Variants in CPA6 observed in about 807,000 individuals in gnomAD.
CPA6 encodes carboxypeptidase B.
In CPA6, 58 loss-of-function variants were observed where a neutral mutation model predicts 63.3. The observed-to-expected ratio is 0.92, with a 90% confidence interval of 0.74 to 1.14. CPA6 has a LOEUF of 1.14. Ranked by LOEUF, CPA6 falls within the 50% of genes most tolerant of loss-of-function variation. The probability of loss-of-function intolerance (pLI) is 0.00; values close to 1 mark genes in which losing one functional copy is unlikely to be tolerated. For synonymous variants in CPA6, 185 were observed against 179.0 expected (o/e 1.03, Z -0.27); for missense variants, 565 against 526.6 (o/e 1.07, Z -0.71).
At chr8:67,586,463 T>C (rs1446309991) in intron 2 of CPA6, among the ~76,000 whole-genome samples, 1 of 152,196 alleles carries the variant, frequency 6.6e-6, no homozygotes, top group Non-Finnish European at 1.5e-5. Flanking sequence ...ACCTGAAGTA[T>C]TTTAAGTATA....
chr8:67,674,473 T>G (rs1816423305), intron 1 of CPA6, among the ~76,000 whole-genome samples: 1 of 152,360 alleles, frequency 6.6e-6, no homozygotes, highest in South Asian at 2.1e-4. Flanking sequence ...AGAAACTGTA[T>G]GACTGATTCT....
At chr8:67,526,671 G>T (rs1691328206) in intron 2 of CPA6, among the ~76,000 whole-genome samples, 1 of 152,122 alleles carries the variant, frequency 6.6e-6, no homozygotes, top group Non-Finnish European at 1.5e-5. Context: ...CCAGGTGGTT[G>T]GGAGGTGATT....
intron 2 of CPA6, among the ~76,000 whole-genome samples, chr8:67,590,352 G>A (rs1176683511): frequency 4.0e-5 from 6 of 151,564 alleles, no homozygotes; most frequent in Non-Finnish European, 8.8e-5. Context: ...ATAAACATAC[G>A]TGTGCATGTG....
chr8:67,550,447 C>T (rs184203101), intron 2 of CPA6, among the ~76,000 whole-genome samples: 18 of 152,238 alleles, frequency 1.2e-4, no homozygotes, highest in Middle Eastern at 3.4e-3. Flanking sequence ...CCACCATTGA[C>T]GGGCATCTAT....
At chr8:67,556,305 TGAG>T (rs1813059538) in intron 2 of CPA6, among the ~76,000 whole-genome samples, 1 of 152,152 alleles carries the variant, frequency 6.6e-6, no homozygotes, top group African/African-American at 2.4e-5. Flanking sequence ...CCTCTGGGCT[TGAG>T]GAGGGGAGAG....
chr8:67,531,541 T>C (rs554005951), intron 2 of CPA6, among the ~76,000 whole-genome samples: 9 of 152,284 alleles, frequency 5.9e-5, no homozygotes, highest in African/African-American at 2.2e-4. Flanking sequence ...TGAACATATA[T>C]GAATATAAAT....
At chr8:67,524,160 C>A (rs1381958367) in intron 2 of CPA6, among the ~76,000 whole-genome samples, 1 of 152,104 alleles carries the variant, frequency 6.6e-6, no homozygotes. Flanking sequence ...CGTTTAGGAT[C>A]TTTTGCTATG....
chr8:67,745,787 T>C (rs967984653), intron 1 of CPA6, among the ~76,000 whole-genome samples: 4 of 152,180 alleles, frequency 2.6e-5, no homozygotes, highest in Non-Finnish European at 5.9e-5. Flanking sequence ...CAGCTAAGGT[T>C]GGCACATGAT....
chr8:67,482,569 C>T (rs969035382), intron 8 of CPA6, among the ~76,000 whole-genome samples: 2 of 152,162 alleles, frequency 1.3e-5, no homozygotes, highest in Non-Finnish European at 2.9e-5. Context: ...AGAAAAGAGG[C>T]TGTTTCACCA....
At chr8:67,486,480 C>T (rs895693939) in intron 6 of CPA6, among the ~76,000 whole-genome samples, 1 of 152,228 alleles carries the variant, frequency 6.6e-6, no homozygotes, top group African/African-American at 2.4e-5. Flanking sequence ...TAAATACACT[C>T]TATGATGTTC....
chr8:67,532,706 G>T (rs369401968), intron 2 of CPA6, among the ~76,000 whole-genome samples: 3 of 151,894 alleles, frequency 2.0e-5, no homozygotes, highest in East Asian at 3.9e-4. Flanking sequence ...TAAATGAAAG[G>T]AATAATTTCC....
chr8:67,448,975 G>A (rs191251160), intron 8 of CPA6, among the ~76,000 whole-genome samples: 70 of 152,228 alleles, frequency 4.6e-4, no homozygotes, highest in South Asian at 1.0e-3. Context: ...AATGCAGCCA[G>A]GGATGGTGGC....
intron 1 of CPA6, among the ~76,000 whole-genome samples, chr8:67,732,923 G>C (rs1817734424): frequency 6.6e-6 from 1 of 151,950 alleles, no homozygotes; most frequent in Non-Finnish European, 1.5e-5. Flanking sequence ...CTTGCCGGGC[G>C]TGGTGGCTCA....
Position 67,685,344 on chromosome 8 carries a change from G to C in CPA6, c.116+60670C>G, listed in dbSNP as rs184859793. ...TAAAGGCTAGAATTGCTGGCCGGGC[G>C]CAGTGGCTCATGTCTGTAATCCCAG... On this transcript the variant is annotated intron_variant, in intron 1 of 10. Transcript: ENST00000297770. Among the ~76,000 whole-genome samples, 296 of 152,270 alleles carry C rather than the reference G, an allele frequency of 1.9e-3. 3 individuals carry two copies. Among genetic ancestry groups the C allele is most frequent in the South Asian group, 0.011 (55 of 4,822 alleles).
At chr8:67,550,155 A>C (rs1812908915) in intron 2 of CPA6, among the ~76,000 whole-genome samples, 1 of 152,166 alleles carries the variant, frequency 6.6e-6, no homozygotes, top group Admixed American at 6.5e-5. Context: ...GGTACTGGGC[A>C]TAGTATCCAA....
intron 10 of CPA6, 111 bp from the exon 11 acceptor site, chr8:67,422,802 A>G (rs1809798212): frequency 2.7e-6 from 2 of 749,070 alleles, no homozygotes; most frequent in Admixed American, 3.0e-5. Context: ...AAATCCTTCC[A>G]ATTAAATGCT....
chr8:67,632,109 A>AC (rs1563369467), intron 1 of CPA6, among the ~76,000 whole-genome samples: 1 of 151,444 alleles, frequency 6.6e-6, no homozygotes, highest in East Asian at 1.9e-4. Context: ...ATAAGGAAGC[A>AC]TTTTTTTTAA....
At chr8:67,454,907 C>T (rs77789660) in intron 8 of CPA6, among the ~76,000 whole-genome samples, 4,872 of 152,016 alleles carry the variant, frequency 0.032, 254 homozygotes, top group African/African-American at 0.11. Context: ...AAGACAATGC[C>T]GGATATAATC....
chr8:67,726,093 G>A (rs1222850056), intron 1 of CPA6, among the ~76,000 whole-genome samples: 1 of 152,116 alleles, frequency 6.6e-6, no homozygotes, highest in Non-Finnish European at 1.5e-5. Context: ...TAGAACTCAT[G>A]AGAGCAAGAC....
Sources: gnomAD v4.1 joint callset for allele counts (sites outside exome capture counted in the v4.1 genomes callset) on GRCh38, gnomAD v4.1.1 for gene constraint, MANE v1.5 for transcripts, NCBI Gene and HGNC (gene_info 2026-07-23, HGNC 2026-07-21) for gene names.